The following PDHX variants were observed in gnomAD, a reference collection of about 807,000 sequenced individuals.
The protein encoded by PDHX is pyruvate dehydrogenase complex component X.
Under a neutral mutation model 55.3 loss-of-function variants are expected in PDHX, and 33 were observed. The ratio of observed to expected loss-of-function variants is 0.60; its 90% CI spans 0.45 to 0.80. The LOEUF is 0.80. Ranked by LOEUF, PDHX falls within the 30% of genes least tolerant of loss-of-function variation. The pLI is 0.00. For synonymous variants in PDHX, 226 were observed against 219.4 expected (o/e 1.03, Z -0.27); for missense variants, 622 against 619.9 (o/e 1.00, Z -0.04).
intron 3 of PDHX, among the ~76,000 whole-genome samples, chr11:34,950,682 A>C (rs905030417): frequency 6.6e-6 from 1 of 151,462 alleles, no homozygotes; most frequent in Non-Finnish European, 1.5e-5. Context: ...AGTTTCATCC[A>C]TGTCCCTACA....
chr11:34,978,909 GACTTAT>G (rs1248532555), intron 8 of PDHX, among the ~76,000 whole-genome samples: 3 of 152,130 alleles, frequency 2.0e-5, no homozygotes, highest in Non-Finnish European at 4.4e-5. Context: ...AATGTGATCT[GACTTAT>G]ACTTCAGAAA....
chr11:34,987,133 C>T (rs1482335093), intron 9 of PDHX, among the ~76,000 whole-genome samples: 1 of 152,176 alleles, frequency 6.6e-6, no homozygotes, highest in East Asian at 1.9e-4. Context: ...TATTATACCA[C>T]CTCTCTCCTT....
intron 1 of PDHX, among the ~76,000 whole-genome samples, chr11:34,924,417 C>T (rs897015734): frequency 7.9e-5 from 12 of 152,128 alleles, no homozygotes; most frequent in African/African-American, 2.9e-4. Context: ...GACGGGCTTT[C>T]ACCATGTTGT....
chr11:34,953,376 A>G (rs1444609268), intron 3 of PDHX, among the ~76,000 whole-genome samples: 1 of 152,226 alleles, frequency 6.6e-6, no homozygotes, highest in South Asian at 2.1e-4. Context: ...AAGAGCCTGC[A>G]TCGCCAAGTC....
At chr11:34,951,965 T>C (rs1262937702) in intron 3 of PDHX, among the ~76,000 whole-genome samples, 3 of 152,222 alleles carry the variant, frequency 2.0e-5, no homozygotes, top group South Asian at 4.1e-4. Flanking sequence ...ATCCTTTCCC[T>C]ATTGCTTGTT....
chr11:34,991,027 T>C (rs556262448), intron 9 of PDHX, among the ~76,000 whole-genome samples: 58 of 152,308 alleles, frequency 3.8e-4, no homozygotes, highest in African/African-American at 1.3e-3. Context: ...TTTTTATATA[T>C]GATGACTCAA....
At chr11:34,958,564 G>C (rs1252858840) in intron 4 of PDHX, among the ~76,000 whole-genome samples, 1 of 152,170 alleles carries the variant, frequency 6.6e-6, no homozygotes, top group Non-Finnish European at 1.5e-5. Flanking sequence ...GCCTCCCAAA[G>C]TGCTGGGATT....
intron 5 of PDHX, among the ~76,000 whole-genome samples, chr11:34,961,868 A>G (rs1855027311): frequency 6.6e-6 from 1 of 152,240 alleles, no homozygotes; most frequent in African/African-American, 2.4e-5. Flanking sequence ...TAAAGGATTT[A>G]AAAGTTACAC....
chr11:34,960,760 G>C (rs369509857), intron 5 of PDHX, among the ~76,000 whole-genome samples: 22 of 152,078 alleles, frequency 1.4e-4, no homozygotes, highest in African/African-American at 5.3e-4. Flanking sequence ...CCTTAGAAGT[G>C]GTAATAAATG....
At position 34,966,732 on chromosome 11, in the gene PDHX, C is replaced by T. The variant is rs141096005; in HGVS notation, c.734C>T (p.Ser245Leu). ...CCCACAGCCACTCCCACAGCACCTT[C>T]GCCCCTACAGGCCACAGCTGGACCA... ...PAPTATPTAP[S>L]PLQATAGPSY... Residue 245 changes from serine to leucine, a missense_variant, in exon 6 of 11, where the codon TCG (serine) becomes TTG (leucine). Physicochemically the swap from Ser to Leu is moderately radical, Grantham distance 145 (BLOSUM62 -2). Coordinates refer to ENST00000227868, the MANE Select transcript of PDHX (RefSeq NM_003477.3). The T allele has an allele frequency of 7.6e-5, 123 of 1,614,126 alleles. No individual in the cohort carries two copies. In the African/African-American group the frequency reaches 1.4e-3, roughly 19 times the overall value.
At chr11:34,929,341 A>T (rs1370403081) in intron 1 of PDHX, among the ~76,000 whole-genome samples, 3 of 152,106 alleles carry the variant, frequency 2.0e-5, no homozygotes, top group Admixed American at 2.0e-4. Context: ...AGTGATTCTC[A>T]TGCCTCAGCC....
At chr11:34,945,146 G>A (rs370520936) in intron 2 of PDHX, among the ~76,000 whole-genome samples, 73 of 152,216 alleles carry the variant, frequency 4.8e-4, no homozygotes, top group African/African-American at 1.5e-3. Context: ...GTTTTTGAAA[G>A]TAAGGTGGTA....
intron 3 of PDHX, among the ~76,000 whole-genome samples, chr11:34,951,615 C>G (rs575932525): frequency 3.3e-5 from 5 of 152,116 alleles, no homozygotes; most frequent in Admixed American, 1.3e-4. Flanking sequence ...CAGATGAGTA[C>G]GTTGCGGAAA....
intron 2 of PDHX, among the ~76,000 whole-genome samples, chr11:34,934,400 A>G (rs960633013): frequency 1.3e-5 from 2 of 152,066 alleles, no homozygotes; most frequent in African/African-American, 2.4e-5. Context: ...TCTTCAACCA[A>G]TAAATTTCAG....
intron 2 of PDHX, among the ~76,000 whole-genome samples, chr11:34,942,894 T>C (rs2986404): frequency 0.36 from 54,023 of 151,848 alleles, 10,205 homozygotes; most frequent in East Asian, 0.74. Flanking sequence ...CTAACATATA[T>C]GTCTGTGTTA....
intron 8 of PDHX, among the ~76,000 whole-genome samples, chr11:34,978,668 C>A (rs1191106885): frequency 6.6e-6 from 1 of 152,120 alleles, no homozygotes; most frequent in East Asian, 1.9e-4. Flanking sequence ...GTGCATTCCA[C>A]ACAGAGGGAC....
At chr11:34,992,655 C>T (rs941146181) in intron 10 of PDHX, among the ~76,000 whole-genome samples, 2 of 152,054 alleles carry the variant, frequency 1.3e-5, no homozygotes, top group African/African-American at 4.8e-5. Context: ...GACCCACCCC[C>T]AATATTAATG....
In PDHX at chr11:34,957,434, AG is replaced by A; in HGVS notation, c.394del (p.Val132Ter). 1 of 1,613,452 alleles carries A rather than the reference AG, an allele frequency of 6.2e-7. No homozygotes were observed. The highest frequency in any genetic ancestry group is 8.5e-7 in the Non-Finnish European group (1 of 1,179,386). On this transcript the variant is annotated frameshift_variant, in exon 4 of 11. Coordinates refer to ENST00000227868, the MANE Select transcript of PDHX (RefSeq NM_003477.3). LOFTEE classifies it high-confidence loss of function. ...IRLGSLIGLI[V>X]EEGEDWKHVE... is the part of the protein sequence containing the mutation. Reference sequence around the variant, plus strand: ...GGCTAGGTTCACTAATTGGTTTGATAGTAGAAGAAGGAGAAGATTGGAAACA... The same window carrying A: ...GGCTAGGTTCACTAATTGGTTTGATATAGAAGAAGGAGAAGATTGGAAACA...
rs577187944 is a variant in PDHX, at chr11:34,919,160, T to C, written c.160+2345T>C. Among the ~76,000 whole-genome samples, 24 of 152,360 alleles carry C rather than the reference T, an allele frequency of 1.6e-4. No individual in the cohort carries two copies. The South Asian group carries it at 1.9e-3, about 12-fold the overall frequency. On this transcript the variant is annotated intron_variant, in intron 1 of 10. Coordinates refer to ENST00000227868, the MANE Select transcript of PDHX (RefSeq NM_003477.3). ...GGAAATACTAAGTATTTGGAAGTGT[T>C]GGACTTTTTTCCTAATACCGAGCCA... is the stretch of plus-strand genomic sequence containing the variant.
Sources: gnomAD v4.1 joint callset for allele counts (sites outside exome capture counted in the v4.1 genomes callset) on GRCh38, gnomAD v4.1.1 for gene constraint, MANE v1.5 for transcripts, NCBI Gene and HGNC (gene_info 2026-07-23, HGNC 2026-07-21) for gene names.